PAN3: variants seen among roughly 807,000 people sequenced by gnomAD.
The protein encoded by PAN3 is PAN2-PAN3 deadenylation complex subunit PAN3.
Under a neutral mutation model 96.2 loss-of-function variants are expected in PAN3, and 19 were observed. The observed-to-expected ratio is 0.20, with a 90% confidence interval of 0.14 to 0.29. The LOEUF is 0.29. Among genes scored for constraint, PAN3 ranks in the 10% least tolerant of loss-of-function variants. PAN3 has a pLI of 1.00. For synonymous variants in PAN3, 433 were observed against 406.6 expected (o/e 1.06, Z -0.78); for missense variants, 882 against 1,108.1 (o/e 0.80, Z 2.90).
rs1869962333 is a variant in PAN3 at position 28,293,212 on chromosome 13, G to A, written c.*690G>A. The A allele has an allele frequency of 6.6e-6, 1 of 152,022 alleles. No individual in the cohort carries two copies. Among genetic ancestry groups the A allele is most frequent in the Non-Finnish European group, 1.5e-5 (1 of 68,008 alleles). 9.4% of individuals were successfully genotyped at this position (152,022 alleles called of 1,614,324 possible). ...AAGATCAGATAAACAGTAACTGAAG[G>A]AGCATGTATAGCTCTTTCCTTCAAA... On this transcript the variant is annotated 3_prime_UTR_variant, in exon 19 of 19. Coordinates refer to ENST00000380958, the MANE Select transcript of PAN3 (RefSeq NM_175854.8).
At chr13:28,260,983 A>T (rs1270405875) in intron 8 of PAN3, among the ~76,000 whole-genome samples, 1 of 152,186 alleles carries the variant, frequency 6.6e-6, no homozygotes, top group East Asian at 1.9e-4. Flanking sequence ...AATTTTTGGT[A>T]AACAGCTAGT....
rs554536686 is a variant in PAN3 at position 28,258,282 on chromosome 13, G to T, written c.1248+1743G>T. Among the ~76,000 whole-genome samples, 21 of 152,186 alleles carry T rather than the reference G, an allele frequency of 1.4e-4. No homozygotes were observed. The East Asian group carries it at 4.0e-3, about 29-fold the overall frequency. On this transcript the variant is annotated intron_variant, in intron 7 of 18. Coordinates refer to ENST00000380958, the MANE Select transcript of PAN3 (RefSeq NM_175854.8). The stretch of plus-strand genomic sequence containing the variant: ...AGGGCAGCGCAAATCAGCTGAATTC[G>T]TTTTTAAAAGAGAAAAAAGGTTTCA...
At chr13:28,228,583 T>C (rs1882232671) in intron 6 of PAN3, among the ~76,000 whole-genome samples, 2 of 152,248 alleles carry the variant, frequency 1.3e-5, no homozygotes, top group South Asian at 4.1e-4. Flanking sequence ...TGTGGTTGTC[T>C]AGATTTTAGC....
intron 3 of PAN3, among the ~76,000 whole-genome samples, 153 bp from the exon 4 acceptor site, chr13:28,177,712 T>A (rs1875217584): frequency 6.6e-6 from 1 of 152,220 alleles, no homozygotes; most frequent in Non-Finnish European, 1.5e-5. Flanking sequence ...GTGTTTTATT[T>A]GCTCAGAAAA....
At chr13:28,220,896 A>G (rs1213944899) in intron 6 of PAN3, among the ~76,000 whole-genome samples, 1 of 152,196 alleles carries the variant, frequency 6.6e-6, no homozygotes, top group Non-Finnish European at 1.5e-5. Context: ...AAAAAAATAT[A>G]CTACATGAGG....
At position 28,292,760 on chromosome 13, in the gene PAN3, C is replaced by A. The variant is rs540730794; in HGVS notation, c.*238C>A. The stretch of plus-strand genomic sequence containing the variant: ...GAAGAATTTATTTTAGATTTAGGAG[C>A]ACCATCAGGTGAATGATGTTCCTGC... On this transcript the variant is annotated 3_prime_UTR_variant, in exon 19 of 19. Transcript: ENST00000380958. The A allele has an allele frequency of 3.4e-4, 109 of 325,206 alleles. 1 individual carries two copies. The highest frequency in any genetic ancestry group is 5.5e-4 in the Non-Finnish European group (99 of 180,332). 20.1% of individuals were successfully genotyped at this position (325,206 alleles called of 1,614,324 possible).
At chr13:28,197,464 T>A in intron 5 of PAN3, 118 bp downstream of exon 5, 2 of 974,858 alleles carry the variant, frequency 2.1e-6, no homozygotes, top group Non-Finnish European at 2.9e-6. Flanking sequence ...CTTAGGTAAT[T>A]AAAAAAATTT....
At chr13:28,229,579 G>A (rs1882325633) in intron 6 of PAN3, among the ~76,000 whole-genome samples, 1 of 152,148 alleles carries the variant, frequency 6.6e-6, no homozygotes, top group South Asian at 2.1e-4. Flanking sequence ...CTGGTCTTCT[G>A]CTCCAATGAA....
At position 28,194,221 on chromosome 13, in the gene PAN3, G is replaced by A. The variant is rs79064486; in HGVS notation, c.691-2964G>A. The stretch of plus-strand genomic sequence containing the variant: ...TGAATTTGTGAAGGATCTGAATTAC[G>A]GAAGACCTTTTAAAATAATTTTCAT... On this transcript the variant is annotated intron_variant, in intron 4 of 18. Transcript: ENST00000380958. Among the ~76,000 whole-genome samples, 19 of 151,006 alleles carry A rather than the reference G, an allele frequency of 1.3e-4. No homozygotes were observed. The East Asian group carries it at 2.7e-3, about 22-fold the overall frequency.
At chr13:28,193,991 T>C (rs1224295192) in intron 4 of PAN3, among the ~76,000 whole-genome samples, 1 of 151,770 alleles carries the variant, frequency 6.6e-6, no homozygotes, top group African/African-American at 2.4e-5. Context: ...ACCCCGTCTC[T>C]AATAAAAATA....
intron 5 of PAN3, chr13:28,215,271 G>A (rs1880589508): frequency 5.6e-6 from 4 of 708,176 alleles, no homozygotes; most frequent in South Asian, 3.1e-5. Flanking sequence ...TCTCCAGGGT[G>A]TCTACAAAAT....
intron 5 of PAN3, among the ~76,000 whole-genome samples, chr13:28,199,556 C>T (rs183441196): frequency 6.6e-6 from 1 of 152,200 alleles, no homozygotes; most frequent in East Asian, 1.9e-4. Context: ...TTTCACTTTA[C>T]CAGGCACATG....
At chr13:28,156,053 A>G (rs1336032790) in intron 1 of PAN3, among the ~76,000 whole-genome samples, 1 of 152,222 alleles carries the variant, frequency 6.6e-6, no homozygotes, top group African/African-American at 2.4e-5. Flanking sequence ...AAGACAAGAA[A>G]TAACCAAAAT....
intron 1 of PAN3, among the ~76,000 whole-genome samples, chr13:28,172,494 A>G (rs904972545): frequency 6.6e-6 from 1 of 152,162 alleles, no homozygotes; most frequent in Non-Finnish European, 1.5e-5. Flanking sequence ...CATTTTCTAT[A>G]ACAGTTTATT....
intron 1 of PAN3, among the ~76,000 whole-genome samples, chr13:28,140,983 C>T (rs115533293): frequency 0.012 from 1,693 of 145,850 alleles, 33 homozygotes; most frequent in African/African-American, 0.041. Context: ...CAATAGTTTT[C>T]TTACTGACAG....
intron 6 of PAN3, among the ~76,000 whole-genome samples, chr13:28,226,660 A>G (rs958137706): frequency 2.6e-5 from 4 of 152,212 alleles, no homozygotes; most frequent in Admixed American, 6.5e-5. Context: ...ATTAATAAAC[A>G]TCTTTGAAGA....
chr13:28,176,648 A>AT (rs1875048246), intron 3 of PAN3, 89 bp downstream of exon 3: 1 of 1,259,288 alleles, frequency 7.9e-7, no homozygotes, highest in Non-Finnish European at 1.1e-6. Context: ...AATTTTGAAA[A>AT]TTGTAAACGG....
intron 1 of PAN3, among the ~76,000 whole-genome samples, chr13:28,139,969 A>G (rs1223564786): frequency 1.3e-5 from 2 of 151,644 alleles, no homozygotes; most frequent in Non-Finnish European, 2.9e-5. Flanking sequence ...GTTGTTTTGG[A>G]GAGAGTCTCG....
intron 1 of PAN3, among the ~76,000 whole-genome samples, chr13:28,152,909 G>A (rs768922292): frequency 3.3e-5 from 5 of 152,168 alleles, no homozygotes; most frequent in Non-Finnish European, 7.3e-5. Flanking sequence ...TAGTGTTTGT[G>A]TGGGTATGGG....
Sources: gnomAD v4.1 joint callset for allele counts (sites outside exome capture counted in the v4.1 genomes callset) on GRCh38, gnomAD v4.1.1 for gene constraint, MANE v1.5 for transcripts, NCBI Gene and HGNC (gene_info 2026-07-23, HGNC 2026-07-21) for gene names.